Variants in RSPO2 observed in about 807,000 individuals in gnomAD.
RSPO2 encodes the protein R-spondin 2, also known as R-spondin-2.
RSPO2 carries 14 observed loss-of-function variants against 30.9 expected under a neutral mutation model. That is an observed-to-expected ratio of 0.45 (90% CI 0.30 to 0.71). The LOEUF (loss-of-function observed/expected upper bound fraction) is 0.71, where lower values mean the gene tolerates loss of function less well. Ranked by LOEUF, RSPO2 falls within the 30% of genes least tolerant of loss-of-function variation. RSPO2 has a pLI of 0.08. For synonymous variants in RSPO2, 107 were observed against 96.4 expected (o/e 1.11, Z -0.64); for missense variants, 264 against 301.9 (o/e 0.87, Z 0.93).
intron 5 of RSPO2, among the ~76,000 whole-genome samples, chr8:107,919,152 C>T (rs919639866): frequency 3.3e-5 from 5 of 152,074 alleles, no homozygotes; most frequent in Admixed American, 2.0e-4. Flanking sequence ...CAACACCTAC[C>T]CCCACTATTC....
At chr8:107,963,412 C>T (rs1813694549) in intron 3 of RSPO2, among the ~76,000 whole-genome samples, 1 of 149,580 alleles carries the variant, frequency 6.7e-6, no homozygotes, top group African/African-American at 2.5e-5. Flanking sequence ...TTGGTCCCAG[C>T]TACCTGGGGG....
At chr8:107,952,876 C>T (rs1483721156) in intron 5 of RSPO2, among the ~76,000 whole-genome samples, 1 of 152,162 alleles carries the variant, frequency 6.6e-6, no homozygotes, top group Non-Finnish European at 1.5e-5. Context: ...GTAGCTAATA[C>T]TTTCTTTTGT....
At chr8:107,944,458 G>A (rs1349583792) in intron 5 of RSPO2, among the ~76,000 whole-genome samples, 4 of 152,096 alleles carry the variant, frequency 2.6e-5, no homozygotes, top group Non-Finnish European at 5.9e-5. Context: ...ACCAAAAATA[G>A]GAGACATGTT....
intron 3 of RSPO2, chr8:107,984,027 G>A: frequency 1.6e-6 from 1 of 614,226 alleles, no homozygotes; most frequent in Non-Finnish European, 2.8e-6. Flanking sequence ...CGTTAATCCA[G>A]CAAAAAGAAA....
intron 5 of RSPO2, among the ~76,000 whole-genome samples, chr8:107,918,570 A>G (rs370731494): frequency 1.8e-4 from 28 of 152,250 alleles, no homozygotes; most frequent in African/African-American, 6.5e-4. Flanking sequence ...ACGAGCCCCA[A>G]GTGATCTTAG....
In RSPO2 at chr8:107,948,866, A is replaced by AAAAT. The variant is rs1554575497; in HGVS notation, c.616+9210_616+9213dup. Among the ~76,000 whole-genome samples the AAAAT allele has an allele frequency of 6.3e-3, 924 of 145,870 alleles. 11 individuals carry two copies. Among genetic ancestry groups the AAAAT allele is most frequent in the African/African-American group, 0.022 (858 of 39,904 alleles). On this transcript the variant is annotated intron_variant, in intron 5 of 5. Coordinates refer to ENST00000276659, the MANE Select transcript of RSPO2 (RefSeq NM_178565.5). ...CAGAGCAAGACTCCATCTCAAAAAA[A>AAAAT]AAATAAATAAATAAATAAATAAAAA...
intron 2 of RSPO2, among the ~76,000 whole-genome samples, chr8:107,994,428 TG>T (rs1188882772): frequency 6.6e-6 from 1 of 152,010 alleles, no homozygotes; most frequent in Non-Finnish European, 1.5e-5. Flanking sequence ...TGATGGGACA[TG>T]GTGGGAGAAG....
intron 5 of RSPO2, among the ~76,000 whole-genome samples, chr8:107,949,491 C>T (rs551575985): frequency 3.7e-4 from 57 of 152,178 alleles, no homozygotes; most frequent in African/African-American, 1.3e-3. Flanking sequence ...TCACTAGATA[C>T]CATGAAGTTC....
intron 5 of RSPO2, among the ~76,000 whole-genome samples, chr8:107,940,840 G>T (rs1812872971): frequency 6.6e-6 from 1 of 152,120 alleles, no homozygotes. Context: ...AGCCATTGAT[G>T]AAAACATCAA....
chr8:108,013,790 T>C (rs1810782667), intron 2 of RSPO2, among the ~76,000 whole-genome samples: 2 of 152,146 alleles, frequency 1.3e-5, no homozygotes, highest in Admixed American at 6.6e-5. Flanking sequence ...CATAGGTATG[T>C]GCAATGACTT....
intron 2 of RSPO2, among the ~76,000 whole-genome samples, chr8:108,061,930 T>C (rs1302829440): frequency 1.3e-5 from 2 of 151,904 alleles, no homozygotes; most frequent in Middle Eastern, 3.2e-3. Context: ...TGCTCCTGAA[T>C]GACTACTGGG....
intron 3 of RSPO2, among the ~76,000 whole-genome samples, chr8:107,968,762 G>A (rs1813900277): frequency 6.6e-6 from 1 of 151,890 alleles, no homozygotes; most frequent in African/African-American, 2.4e-5. Context: ...AGGACAAAAG[G>A]ATTGCAGCCC....
At position 107,992,370 on chromosome 8, in the gene RSPO2, CAT is replaced by C. The variant is rs562061622; in HGVS notation, c.95-3128_95-3127del. On this transcript the variant is annotated intron_variant, in intron 2 of 5. Transcript: ENST00000276659. ...GCTTAATGATGAGAACACATGGACA[CAT>C]AGAGGGAAACAACAGACCCTGGTGC... Among the ~76,000 whole-genome samples, 69 of 152,130 alleles carry C rather than the reference CAT, an allele frequency of 4.5e-4. 1 individual carries two copies. The highest frequency in any genetic ancestry group is 1.7e-3 in the South Asian group (8 of 4,804).
rs190448453 is a variant in RSPO2 at position 108,070,316 on chromosome 8, C to G, written c.94+12229G>C. On this transcript the variant is annotated intron_variant, in intron 2 of 5. Coordinates refer to ENST00000276659, the MANE Select transcript of RSPO2 (RefSeq NM_178565.5). ...TTTTTTTTTTTTTGAGACAGAGTCTCGCTCTGTCGCCCAGGCCGGACTGCG... is the reference window on the plus strand; with the variant it reads ...TTTTTTTTTTTTTGAGACAGAGTCTGGCTCTGTCGCCCAGGCCGGACTGCG... Among the ~76,000 whole-genome samples, 609 of 128,550 alleles carry G rather than the reference C, an allele frequency of 4.7e-3. 4 individuals carry two copies. Among genetic ancestry groups the G allele is most frequent in the African/African-American group, 0.016 (532 of 32,882 alleles). 84.3% of individuals were successfully genotyped at this position (128,550 alleles called of 152,430 possible). A position where few individuals can be genotyped will look rare whatever the true frequency, so the allele number is the denominator to read the frequency against.
At chr8:107,938,161 C>CA (rs1812779938) in intron 5 of RSPO2, among the ~76,000 whole-genome samples, 1 of 152,080 alleles carries the variant, frequency 6.6e-6, no homozygotes, top group South Asian at 2.1e-4. Context: ...AGTTTTGCTA[C>CA]ATTTCTTGGT....
chr8:108,010,668 A>G (rs532442706), intron 2 of RSPO2, among the ~76,000 whole-genome samples: 1 of 152,128 alleles, frequency 6.6e-6, no homozygotes, highest in African/African-American at 2.4e-5. Context: ...GCAGATGCAG[A>G]AGAGTGAAGA....
intron 2 of RSPO2, among the ~76,000 whole-genome samples, chr8:108,079,709 A>G (rs1366978439): frequency 6.6e-6 from 1 of 152,100 alleles, no homozygotes; most frequent in Non-Finnish European, 1.5e-5. Flanking sequence ...AAAAAAAAAA[A>G]AAAGAATCAG....
chr8:108,070,333 C>G (rs1337627314), intron 2 of RSPO2, among the ~76,000 whole-genome samples: 1 of 140,060 alleles, frequency 7.1e-6, no homozygotes, highest in South Asian at 2.4e-4. Flanking sequence ...TCGCCCAGGC[C>G]GGACTGCGGA....
intron 2 of RSPO2, among the ~76,000 whole-genome samples, chr8:107,998,647 A>G (rs923179899): frequency 6.6e-6 from 1 of 152,196 alleles, no homozygotes; most frequent in African/African-American, 2.4e-5. Flanking sequence ...ATTTCCTTTA[A>G]TATTTAGAAG....
Sources: gnomAD v4.1 joint callset for allele counts (sites outside exome capture counted in the v4.1 genomes callset) on GRCh38, gnomAD v4.1.1 for gene constraint, MANE v1.5 for transcripts, NCBI Gene and HGNC (gene_info 2026-07-23, HGNC 2026-07-21) for gene names.